Variants in SLC41A2 observed in about 807,000 individuals in gnomAD.
SLC41A2 encodes solute carrier family 41 member 2.
SLC41A2 carries 32 observed loss-of-function variants against 58.3 expected under a neutral mutation model. That is an observed-to-expected ratio of 0.55 (90% CI 0.41 to 0.74). The LOEUF is 0.74. Among genes scored for constraint, SLC41A2 ranks in the 30% least tolerant of loss-of-function variants. The pLI, the probability that SLC41A2 is intolerant of heterozygous loss-of-function variation, is 0.00. For missense variants in SLC41A2, 514 were observed against 680.6 expected, an observed-to-expected ratio of 0.76 and a Z score of 2.72; for synonymous variants, 190 against 235.0, an observed-to-expected ratio of 0.81 and a Z score of 1.75.
chr12:104,915,596 T>C (rs2046280100), intron 2 of SLC41A2, among the ~76,000 whole-genome samples: 1 of 152,216 alleles, frequency 6.6e-6, no homozygotes, highest in African/African-American at 2.4e-5. Flanking sequence ...ATAAGAATGC[T>C]TGTGATTTTT....
At chr12:104,861,162 T>C in intron 8 of SLC41A2, 129 bp downstream of exon 8, 3 of 534,194 alleles carry the variant, frequency 5.6e-6, no homozygotes, top group Middle Eastern at 5.1e-4. Context: ...CAACTTGGGG[T>C]TGGAGGCAGA....
intron 2 of SLC41A2, among the ~76,000 whole-genome samples, chr12:104,915,131 G>A (rs779300544): frequency 4.6e-5 from 7 of 152,038 alleles, no homozygotes; most frequent in Non-Finnish European, 1.0e-4. Flanking sequence ...ATAAATAATA[G>A]ACTCAAAACC....
chr12:104,919,117 G>A (rs555195303), intron 2 of SLC41A2, among the ~76,000 whole-genome samples: 59 of 152,298 alleles, frequency 3.9e-4, no homozygotes, highest in Admixed American at 1.3e-3. Flanking sequence ...AATATTTTAA[G>A]ATTAGCTTTT....
intron 3 of SLC41A2, among the ~76,000 whole-genome samples, chr12:104,898,037 G>A (rs1283695054): frequency 2.6e-5 from 4 of 152,108 alleles, no homozygotes; most frequent in Non-Finnish European, 5.9e-5. Context: ...GAGCTTAGAA[G>A]GTGATAAAAT....
intron 3 of SLC41A2, among the ~76,000 whole-genome samples, chr12:104,907,943 GT>G (rs1159070849): frequency 2.0e-5 from 3 of 152,220 alleles, no homozygotes; most frequent in African/African-American, 7.2e-5. Context: ...ACAAAGCTCT[GT>G]AGGGTACATG....
At chr12:104,883,881 G>C (rs2044515559) in intron 6 of SLC41A2, among the ~76,000 whole-genome samples, 1 of 152,246 alleles carries the variant, frequency 6.6e-6, no homozygotes, top group Non-Finnish European at 1.5e-5. Context: ...AAAGCTGTCA[G>C]ACAGGGACGT....
intron 10 of SLC41A2, among the ~76,000 whole-genome samples, chr12:104,819,292 A>G (rs1418504352): frequency 3.9e-5 from 6 of 152,234 alleles, no homozygotes; most frequent in Admixed American, 1.3e-4. Context: ...AAGGGAAATC[A>G]TAATGCAAAT....
At chr12:104,845,512 A>C (rs1009199557) in intron 9 of SLC41A2, among the ~76,000 whole-genome samples, 3 of 152,206 alleles carry the variant, frequency 2.0e-5, no homozygotes, top group Non-Finnish European at 4.4e-5. Flanking sequence ...TACATTTAGA[A>C]AGGCCAAAAT....
intron 10 of SLC41A2, among the ~76,000 whole-genome samples, chr12:104,820,801 C>A (rs1415270272): frequency 6.6e-6 from 1 of 152,084 alleles, no homozygotes; most frequent in Non-Finnish European, 1.5e-5. Context: ...CGCCACCATG[C>A]CCAGCTAATT....
intron 8 of SLC41A2, among the ~76,000 whole-genome samples, chr12:104,851,209 T>G (rs2042786227): frequency 6.6e-6 from 1 of 152,164 alleles, no homozygotes; most frequent in Admixed American, 6.5e-5. Flanking sequence ...ATGTAAATAA[T>G]GTGATTCTGA....
chr12:104,948,002 T>C (rs2047796179), intron 1 of SLC41A2, among the ~76,000 whole-genome samples: 1 of 152,206 alleles, frequency 6.6e-6, no homozygotes, highest in African/African-American at 2.4e-5. Context: ...GAAATTCCAC[T>C]AATCTAGAAA....
At chr12:104,943,576 T>C (rs541325567) in intron 1 of SLC41A2, among the ~76,000 whole-genome samples, 5 of 152,366 alleles carry the variant, frequency 3.3e-5, no homozygotes, top group East Asian at 3.9e-4. Flanking sequence ...CATACTCCGA[T>C]GTTAATGACA....
At chr12:104,904,937 G>C (rs986512618) in intron 3 of SLC41A2, among the ~76,000 whole-genome samples, 1 of 152,094 alleles carries the variant, frequency 6.6e-6, no homozygotes, top group African/African-American at 2.4e-5. Flanking sequence ...GGACCCAAGC[G>C]GGTTACCAAT....
intron 10 of SLC41A2, among the ~76,000 whole-genome samples, chr12:104,828,564 AG>A (rs1343894353): frequency 6.6e-6 from 1 of 152,070 alleles, no homozygotes; most frequent in Non-Finnish European, 1.5e-5. Context: ...GTGGGTTTGG[AG>A]CTCCACAGCC....
chr12:104,836,944 C>T (rs2042232233), intron 10 of SLC41A2, among the ~76,000 whole-genome samples: 1 of 152,142 alleles, frequency 6.6e-6, no homozygotes, highest in Non-Finnish European at 1.5e-5. Context: ...TGTAACACAT[C>T]ATCTGTACTG....
chr12:104,889,301 T>C (rs2044828876), intron 4 of SLC41A2, 124 bp from the exon 5 acceptor site: 1 of 979,342 alleles, frequency 1.0e-6, no homozygotes. Flanking sequence ...TGAGCTACAT[T>C]ACCTTTTAGA....
intron 10 of SLC41A2, among the ~76,000 whole-genome samples, chr12:104,835,113 T>C (rs780969629): frequency 1.3e-5 from 2 of 152,216 alleles, no homozygotes; most frequent in Non-Finnish European, 2.9e-5. Context: ...AATAGCACCT[T>C]AAATGCATCA....
intron 1 of SLC41A2, among the ~76,000 whole-genome samples, chr12:104,955,492 T>G (rs554751086): frequency 6.6e-6 from 1 of 152,278 alleles, no homozygotes; most frequent in African/African-American, 2.4e-5. Context: ...CTCAGTACTT[T>G]TCTGTCCACT....
intron 8 of SLC41A2, among the ~76,000 whole-genome samples, chr12:104,854,725 A>G (rs2136387580): frequency 6.6e-6 from 1 of 152,172 alleles, no homozygotes; most frequent in South Asian, 2.1e-4. Flanking sequence ...TCTTCACCCT[A>G]GGGTGCCATC....
Sources: allele counts gnomAD v4.1 joint callset (sites outside exome capture counted in the v4.1 genomes callset), GRCh38; gene constraint gnomAD v4.1.1; transcripts MANE v1.5; gene names NCBI Gene and HGNC (gene_info 2026-07-23, HGNC 2026-07-21).